The following RERE variants were observed in gnomAD, a reference collection of about 807,000 sequenced individuals.
The protein encoded by RERE is arginine-glutamic acid dipeptide repeats, also known as arginine-glutamic acid dipeptide repeats protein.
RERE carries 40 observed loss-of-function variants against 146.1 expected under a neutral mutation model. That is an observed-to-expected ratio of 0.27 (90% CI 0.21 to 0.36). The LOEUF (loss-of-function observed/expected upper bound fraction) is 0.36. RERE is among the 10% of genes least tolerant of loss of function. The pLI, the probability that RERE is intolerant of heterozygous loss-of-function variation, is 1.00. For synonymous variants in RERE, 1,003 were observed against 866.0 expected, an observed-to-expected ratio of 1.16 and a Z score of -2.78; for missense variants, 1,933 against 2,138.7, an observed-to-expected ratio of 0.90 and a Z score of 1.90.
At chr1:8,751,620 A>C (rs1029498997) in intron 1 of RERE, among the ~76,000 whole-genome samples, 2 of 152,156 alleles carry the variant, frequency 1.3e-5, no homozygotes, top group Non-Finnish European at 2.9e-5. Context: ...TATTATTCTG[A>C]AAAGTCCAAA....
At chr1:8,556,365 GAGGAGTCT>G (rs1646006714) in intron 6 of RERE, 102 bp downstream of exon 6, 1 of 663,452 alleles carries the variant, frequency 1.5e-6, no homozygotes, top group African/African-American at 1.8e-5. Flanking sequence ...GAGGCCAAAA[GAGGAGTCT>G]GATTAATACA....
At chr1:8,525,232 A>G (rs1645555594) in intron 7 of RERE, among the ~76,000 whole-genome samples, 1 of 152,250 alleles carries the variant, frequency 6.6e-6, no homozygotes, top group Admixed American at 6.5e-5. Flanking sequence ...GTCAGACTTC[A>G]GAAAAAGATC....
intron 11 of RERE, among the ~76,000 whole-genome samples, chr1:8,450,742 G>A (rs1479388641): frequency 6.6e-6 from 1 of 152,078 alleles, no homozygotes; most frequent in Non-Finnish European, 1.5e-5. Context: ...ATGCCCATCC[G>A]GGTTCCCCCA....
intron 7 of RERE, among the ~76,000 whole-genome samples, chr1:8,516,712 C>T (rs1161511975): frequency 6.6e-6 from 1 of 152,156 alleles, no homozygotes; most frequent in East Asian, 1.9e-4. Flanking sequence ...CAAAATCACA[C>T]AATTAATTAC....
intron 1 of RERE, among the ~76,000 whole-genome samples, chr1:8,801,338 C>T (rs1460253845): frequency 4.0e-5 from 6 of 151,840 alleles, no homozygotes; most frequent in Admixed American, 3.3e-4. Flanking sequence ...GGCACAGTCT[C>T]GGATCACCGG....
At chr1:8,499,649 C>A (rs573659281) in intron 8 of RERE, among the ~76,000 whole-genome samples, 13 of 152,364 alleles carry the variant, frequency 8.5e-5, no homozygotes, top group African/African-American at 3.1e-4. Context: ...GGCTCTCAGG[C>A]TAGCCATCAG....
chr1:8,787,027 G>T, intron 1 of RERE: 2 of 561,752 alleles, frequency 3.6e-6, no homozygotes, highest in Non-Finnish European at 3.2e-6. Context: ...ACACACACCT[G>T]ATGAAAACCT....
At chr1:8,508,169 C>T (rs561642359) in intron 8 of RERE, among the ~76,000 whole-genome samples, 3 of 152,156 alleles carry the variant, frequency 2.0e-5, no homozygotes, top group Non-Finnish European at 2.9e-5. Flanking sequence ...GCTATTAACA[C>T]GGATGAACCA....
intron 1 of RERE, among the ~76,000 whole-genome samples, chr1:8,675,311 A>G (rs955345984): frequency 6.6e-6 from 1 of 152,088 alleles, no homozygotes; most frequent in Non-Finnish European, 1.5e-5. Context: ...TAAACAAATG[A>G]CATGATATGA....
intron 1 of RERE, among the ~76,000 whole-genome samples, chr1:8,704,709 C>G (rs921097973): frequency 6.6e-6 from 1 of 152,232 alleles, no homozygotes; most frequent in Non-Finnish European, 1.5e-5. Flanking sequence ...GATAACTCTG[C>G]TGGTCTCTCT....
intron 1 of RERE, among the ~76,000 whole-genome samples, chr1:8,810,983 TA>T (rs928853332): frequency 6.6e-6 from 1 of 152,048 alleles, no homozygotes; most frequent in Non-Finnish European, 1.5e-5. Flanking sequence ...TGATACCACC[TA>T]AAAAAAGGAT....
chr1:8,449,999 C>T (rs1035039889), intron 11 of RERE, among the ~76,000 whole-genome samples: 12 of 152,178 alleles, frequency 7.9e-5, no homozygotes, highest in African/African-American at 2.7e-4. Context: ...CTCCTCATGG[C>T]ATCTACCTGA....
chr1:8,358,140 C>G, intron 20 of RERE, 56 bp downstream of exon 20: 1 of 1,534,586 alleles, frequency 6.5e-7, no homozygotes, highest in Non-Finnish European at 8.8e-7. Context: ...TGTCACTCAT[C>G]AGGCTCTGCA....
At chr1:8,701,407 A>C (rs1483804968) in intron 1 of RERE, among the ~76,000 whole-genome samples, 3 of 152,186 alleles carry the variant, frequency 2.0e-5, no homozygotes, top group African/African-American at 7.2e-5. Context: ...TACGCTATAA[A>C]AACACACACA....
chr1:8,543,999 G>T (rs906357763), intron 6 of RERE, among the ~76,000 whole-genome samples: 17 of 152,186 alleles, frequency 1.1e-4, no homozygotes, highest in African/African-American at 3.9e-4. Flanking sequence ...AATGTGGAAA[G>T]AGTGAACATC....
chr1:8,640,891 T>A (rs187607975), intron 2 of RERE, among the ~76,000 whole-genome samples: 2 of 152,350 alleles, frequency 1.3e-5, no homozygotes, highest in East Asian at 3.9e-4. Context: ...TCACTTTTTC[T>A]AGTATTTAGG....
intron 7 of RERE, among the ~76,000 whole-genome samples, chr1:8,540,457 T>C (rs1284107678): frequency 2.0e-5 from 3 of 152,182 alleles, no homozygotes; most frequent in Non-Finnish European, 2.9e-5. Flanking sequence ...TATAAACATG[T>C]CTTGGGTGTC....
chr1:8,557,335 A>G, intron 5 of RERE, 83 bp downstream of exon 5: 2 of 937,770 alleles, frequency 2.1e-6, no homozygotes, highest in Non-Finnish European at 3.4e-6. Context: ...TCAAAAAGTT[A>G]TCTTCATTTA....
At chr1:8,440,577 G>A (rs1644232613) in intron 11 of RERE, among the ~76,000 whole-genome samples, 1 of 140,152 alleles carries the variant, frequency 7.1e-6, no homozygotes, top group Non-Finnish European at 1.5e-5. Context: ...GCGACAGAGC[G>A]AGACTCCACC....
Sources: gnomAD v4.1 joint callset for allele counts (sites outside exome capture counted in the v4.1 genomes callset) on GRCh38, gnomAD v4.1.1 for gene constraint, MANE v1.5 for transcripts, NCBI Gene and HGNC (gene_info 2026-07-23, HGNC 2026-07-21) for gene names.